Variants in POLR3B observed in about 807,000 individuals in gnomAD.
POLR3B encodes DNA-directed RNA polymerase III subunit RPC2.
POLR3B carries 96 observed loss-of-function variants against 147.4 expected under a neutral mutation model. The observed-to-expected ratio is 0.65, with a 90% confidence interval of 0.55 to 0.77. The LOEUF (loss-of-function observed/expected upper bound fraction) is 0.77. POLR3B is among the 30% of genes least tolerant of loss of function. POLR3B has a pLI of 0.00. For synonymous variants in POLR3B, 461 were observed against 485.9 expected (o/e 0.95, Z 0.67); for missense variants, 1,036 against 1,413.5 (o/e 0.73, Z 4.28).
At position 106,357,810 on chromosome 12, in the gene POLR3B, T is replaced by C; in HGVS notation, c.-70T>C. On this transcript the variant is annotated 5_prime_UTR_variant, in exon 1 of 28. Coordinates refer to ENST00000228347, the MANE Select transcript of POLR3B (RefSeq NM_018082.6). ...CTCCGCGCACCGTTCGCCGGGAGTC[T>C]TGCAGTTTGCTTGGTGCAGGGAAGG... The C allele has an allele frequency of 6.8e-7, 1 of 1,469,298 alleles. No homozygotes were observed. The highest frequency in any genetic ancestry group is 9.4e-7 in the Non-Finnish European group (1 of 1,062,954). The allele number at this position is 1,469,298 out of a possible 1,614,324, so 91.0% of individuals were successfully genotyped here.
At position 106,357,766 on chromosome 12, in the gene POLR3B, C is replaced by A; in HGVS notation, c.-114C>A. The A allele has an allele frequency of 1.9e-6, 2 of 1,045,368 alleles. No individual in the cohort carries two copies. Among genetic ancestry groups the A allele is most frequent in the Middle Eastern group, 2.7e-4 (1 of 3,658 alleles). 64.8% of individuals were successfully genotyped at this position (1,045,368 alleles called of 1,614,324 possible). ...CTACCGCGTCTCTAGCTAACACGCA[C>A]GGCGGGGACAGTTTAGGCCTCCGCG... is the stretch of plus-strand genomic sequence containing the variant. On this transcript the variant is annotated 5_prime_UTR_variant, in exon 1 of 28. Coordinates refer to ENST00000228347, the MANE Select transcript of POLR3B (RefSeq NM_018082.6).
chr12:106,509,006 A>G (rs1210798105), intron 27 of POLR3B, among the ~76,000 whole-genome samples: 1 of 152,246 alleles, frequency 6.6e-6, no homozygotes, highest in Non-Finnish European at 1.5e-5. Context: ...ATGCTTATCA[A>G]ATACATGGAG....
At chr12:106,431,071 A>AT (rs2037503972) in intron 14 of POLR3B, among the ~76,000 whole-genome samples, 1 of 152,102 alleles carries the variant, frequency 6.6e-6, no homozygotes, top group African/African-American at 2.4e-5. Context: ...AAAATTCTGG[A>AT]GGAAGGAAGG....
rs756609861 is a variant in POLR3B, at chr12:106,509,588, A to C, written c.*39A>C. ...GATTATTAAAGAGAACAAGTGATAC[A>C]TCCAATGCAACGGAAAGCAGAAGGG... On this transcript the variant is annotated 3_prime_UTR_variant, in exon 28 of 28. Coordinates refer to ENST00000228347, the MANE Select transcript of POLR3B (RefSeq NM_018082.6). The C allele has an allele frequency of 5.7e-6, 9 of 1,574,170 alleles. No homozygotes were observed. The highest frequency in any genetic ancestry group is 2.3e-5 in the East Asian group (1 of 44,436).
Position 106,509,566 on chromosome 12 carries a change from T to C in POLR3B, c.*17T>C. Reference sequence around the variant, plus strand: ...AATGAATGAGGATGGAAAAAATGATTATTAAAGAGAACAAGTGATACATCC... The same window carrying C: ...AATGAATGAGGATGGAAAAAATGATCATTAAAGAGAACAAGTGATACATCC... On this transcript the variant is annotated 3_prime_UTR_variant, in exon 28 of 28. Transcript: ENST00000228347. The C allele has an allele frequency of 6.2e-7, 1 of 1,606,922 alleles. No individual in the cohort carries two copies.
At chr12:106,432,517 T>C (rs763109111) in intron 15 of POLR3B, 37 bp downstream of exon 15, 8 of 1,532,088 alleles carry the variant, frequency 5.2e-6, no homozygotes, top group Non-Finnish European at 7.2e-6. Flanking sequence ...TCCTAGATAG[T>C]CTGTGAAGAG....
Position 106,457,192 on chromosome 12 carries a change from C to A in POLR3B, c.2348C>A (p.Thr783Asn), listed in dbSNP as rs2037876267. 2 of 1,612,540 alleles carry A rather than the reference C, an allele frequency of 1.2e-6. No homozygotes were observed. The highest frequency in any genetic ancestry group is 1.7e-5 in the Admixed American group (1 of 59,958). ...GCTAAATGTACGTTGAAACGATACA[C>A]CAATCAGACTTTTGATAAAGTGATG... is the stretch of plus-strand genomic sequence containing the variant. Reference protein sequence around the residue: ...KNAKCTLKRYTNQTFDKVMGP... With the variant: ...KNAKCTLKRYNNQTFDKVMGP... Residue 783 changes from threonine to asparagine, a missense_variant, in exon 21 of 28, where the codon ACC (threonine) becomes AAC (asparagine). By Grantham distance (65) the Thr-to-Asn change is moderately conservative. Transcript: ENST00000228347.
At position 106,498,590 on chromosome 12, in the gene POLR3B, TG is replaced by T. The variant is rs771761999; in HGVS notation, c.2984+1673del. ...TTTGTTTTTTGGGGTTTGTTTTTTT[TG>T]TTTTTTTGAGACAGAGCTTCGCTCT... On this transcript the variant is annotated intron_variant, in intron 25 of 27. Coordinates refer to ENST00000228347, the MANE Select transcript of POLR3B (RefSeq NM_018082.6). 2.0e-5 allele frequency among the ~76,000 whole-genome samples: 3 copies of T among 151,750 alleles called. 1 individual carries two copies. The highest frequency in any genetic ancestry group is 4.4e-5 in the Non-Finnish European group (3 of 67,906).
intron 21 of POLR3B, 58 bp from the exon 22 acceptor site, chr12:106,459,193 A>G: frequency 1.0e-6 from 1 of 992,300 alleles, no homozygotes; most frequent in South Asian, 1.3e-5. Context: ...CTAGTTCGTA[A>G]TCTTTGTATT....
intron 7 of POLR3B, 116 bp from the exon 8 acceptor site, chr12:106,378,151 A>G: frequency 2.6e-6 from 2 of 770,238 alleles, no homozygotes; most frequent in Non-Finnish European, 4.8e-6. Context: ...AGTGTTAGCC[A>G]GTGCCATGAA....
chr12:106,384,546 A>C (rs1388980192), intron 9 of POLR3B, among the ~76,000 whole-genome samples: 2 of 152,212 alleles, frequency 1.3e-5, no homozygotes, highest in Non-Finnish European at 2.9e-5. Context: ...TGAACAAGGC[A>C]ACACTCTGCC....
intron 23 of POLR3B, among the ~76,000 whole-genome samples, chr12:106,481,810 T>C (rs2038272022): frequency 6.6e-6 from 1 of 152,240 alleles, no homozygotes; most frequent in Admixed American, 6.5e-5. Context: ...GAATGTTTAG[T>C]GAGTATGCTT....
At chr12:106,464,386 A>T (rs956893872) in intron 23 of POLR3B, among the ~76,000 whole-genome samples, 1 of 152,192 alleles carries the variant, frequency 6.6e-6, no homozygotes, top group Admixed American at 6.5e-5. Context: ...GTGCTGACTC[A>T]TTTGATTCTC....
chr12:106,478,542 A>G (rs1046116724), intron 23 of POLR3B, among the ~76,000 whole-genome samples: 2 of 151,956 alleles, frequency 1.3e-5, no homozygotes, highest in African/African-American at 2.4e-5. Context: ...ATCCAAGGGT[A>G]AAAACCTTCT....
Position 106,429,113 on chromosome 12 carries a change from G to A in POLR3B, c.1264-1160G>A, listed in dbSNP as rs552298116. Among the ~76,000 whole-genome samples, 7 of 152,320 alleles carry A rather than the reference G, an allele frequency of 4.6e-5. No homozygotes were observed. In the East Asian group the frequency reaches 1.3e-3, roughly 29 times the overall value. On this transcript the variant is annotated intron_variant, in intron 13 of 27. Coordinates refer to ENST00000228347, the MANE Select transcript of POLR3B (RefSeq NM_018082.6). ...GGAGGAATGAAGAACCATGGCAGGT[G>A]CAGTTTTTCTCTTTAGAATTGTGAG...
intron 27 of POLR3B, among the ~76,000 whole-genome samples, chr12:106,505,920 C>G (rs1419613172): frequency 2.0e-5 from 3 of 152,200 alleles, no homozygotes; most frequent in Non-Finnish European, 4.4e-5. Context: ...CAGTGTATCC[C>G]TTGCCAGATA....
intron 21 of POLR3B, among the ~76,000 whole-genome samples, chr12:106,457,531 G>T (rs1437479055): frequency 1.3e-5 from 2 of 152,020 alleles, no homozygotes; most frequent in Non-Finnish European, 2.9e-5. Context: ...TTATAATTTT[G>T]AATAATAGAA....
chr12:106,360,246 A>G (rs1000586069), intron 1 of POLR3B, among the ~76,000 whole-genome samples: 5 of 152,194 alleles, frequency 3.3e-5, no homozygotes, highest in African/African-American at 1.2e-4. Context: ...TCCCTTGGTT[A>G]AAGTTCTTCA....
chr12:106,412,550 G>A (rs2136938948), intron 12 of POLR3B, among the ~76,000 whole-genome samples: 1 of 152,242 alleles, frequency 6.6e-6, no homozygotes, highest in South Asian at 2.1e-4. Context: ...CTTTTGATAA[G>A]CATTCCTTTT....
Sources: gnomAD v4.1 joint callset for allele counts (sites outside exome capture counted in the v4.1 genomes callset) on GRCh38, gnomAD v4.1.1 for gene constraint, MANE v1.5 for transcripts, NCBI Gene and HGNC (gene_info 2026-07-23, HGNC 2026-07-21) for gene names.